The following IQCM variants were observed in gnomAD, a reference collection of about 807,000 sequenced individuals.
IQCM encodes the protein IQ motif containing M, also known as IQ domain-containing protein M.
Under a neutral mutation model 57.6 loss-of-function variants are expected in IQCM, and 45 were observed. That is an observed-to-expected ratio of 0.78 (90% CI 0.62 to 1.00). The LOEUF (loss-of-function observed/expected upper bound fraction) is 1.00. IQCM is among the 50% of genes least tolerant of loss of function. The pLI, the probability that IQCM is intolerant of heterozygous loss-of-function variation, is 0.00. For missense variants in IQCM, 468 were observed against 511.6 expected (o/e 0.91, Z 0.82); for synonymous variants, 148 against 158.9 (o/e 0.93, Z 0.51).
At chr4:149,613,684 A>G (rs995460459) in intron 8 of IQCM, among the ~76,000 whole-genome samples, 1 of 151,884 alleles carries the variant, frequency 6.6e-6, no homozygotes, top group Non-Finnish European at 1.5e-5. Context: ...TCGTCATTTA[A>G]CATTAGGTAT....
intron 5 of IQCM, among the ~76,000 whole-genome samples, chr4:149,699,574 C>G (rs990137535): frequency 2.0e-5 from 3 of 151,398 alleles, no homozygotes; most frequent in Non-Finnish European, 4.4e-5. Flanking sequence ...GATCTTCCCC[C>G]TAAAAAAAGT....
chr4:149,355,610 A>G (rs925797536), intron 13 of IQCM, among the ~76,000 whole-genome samples: 1 of 152,038 alleles, frequency 6.6e-6, no homozygotes, highest in African/African-American at 2.4e-5. Flanking sequence ...TCCATGGTGT[A>G]TTTGTGCCAT....
At chr4:149,376,414 A>T (rs1211951568) in intron 13 of IQCM, among the ~76,000 whole-genome samples, 1 of 152,184 alleles carries the variant, frequency 6.6e-6, no homozygotes, top group Non-Finnish European at 1.5e-5. Context: ...CTCTAAAGCG[A>T]TAAACTGCAG....
At chr4:149,638,152 C>T (rs1455627754) in intron 7 of IQCM, among the ~76,000 whole-genome samples, 2 of 151,904 alleles carry the variant, frequency 1.3e-5, no homozygotes, top group African/African-American at 4.8e-5. Flanking sequence ...AGAAAATAGA[C>T]AAATAAAAAA....
rs1471037863 is a variant in IQCM at position 149,364,126 on chromosome 4, A to G, written c.1391-12060T>C. Among the ~76,000 whole-genome samples, 5 of 152,204 alleles carry G rather than the reference A, an allele frequency of 3.3e-5. No homozygotes were observed. In the East Asian group the frequency reaches 9.6e-4, roughly 29 times the overall value. On this transcript the variant is annotated intron_variant, in intron 13 of 13. Coordinates refer to ENST00000636793, the MANE Select transcript of IQCM (RefSeq NM_001363507.2). ...TGGAAGACTGGAGAAGGAACAAAAT[A>G]GAAGAGATTTATGAGATCCTGAGCT... is the stretch of plus-strand genomic sequence containing the variant.
intron 5 of IQCM, among the ~76,000 whole-genome samples, chr4:149,707,253 T>C (rs1201469896): frequency 6.6e-6 from 1 of 152,076 alleles, no homozygotes; most frequent in African/African-American, 2.4e-5. Flanking sequence ...TTATTTGTGA[T>C]TTTAGCTTCT....
chr4:149,731,923 A>C (rs1766497777), intron 5 of IQCM, among the ~76,000 whole-genome samples: 1 of 152,162 alleles, frequency 6.6e-6, no homozygotes, highest in Admixed American at 6.6e-5. Context: ...ACTCAGGACT[A>C]ACATTCTGAA....
At chr4:149,489,065 G>C (rs905159325) in intron 12 of IQCM, among the ~76,000 whole-genome samples, 4 of 152,076 alleles carry the variant, frequency 2.6e-5, no homozygotes, top group African/African-American at 9.7e-5. Flanking sequence ...TTGGAACGGA[G>C]ATCTAATTGG....
At chr4:149,768,350 T>G (rs946989739) in intron 2 of IQCM, among the ~76,000 whole-genome samples, 1 of 152,118 alleles carries the variant, frequency 6.6e-6, no homozygotes, top group Admixed American at 6.6e-5. Context: ...TTCGAAAATT[T>G]TACTTTCTAG....
chr4:149,571,448 A>T (rs1042533136), intron 9 of IQCM, among the ~76,000 whole-genome samples: 2 of 152,084 alleles, frequency 1.3e-5, no homozygotes, highest in Non-Finnish European at 2.9e-5. Flanking sequence ...TTGATCTCAC[A>T]GTAGAGAGTA....
intron 9 of IQCM, among the ~76,000 whole-genome samples, chr4:149,578,765 A>G (rs958331833): frequency 6.6e-6 from 1 of 151,878 alleles, no homozygotes; most frequent in Non-Finnish European, 1.5e-5. Context: ...TTTATTGCCA[A>G]CCACGTATAT....
At chr4:149,570,482 T>C (rs540589961) in intron 9 of IQCM, among the ~76,000 whole-genome samples, 36 of 152,132 alleles carry the variant, frequency 2.4e-4, no homozygotes, top group African/African-American at 7.7e-4. Context: ...AATTTGAGGA[T>C]ATTAAAAAGA....
chr4:149,368,821 T>TATATATACACGTATATATATAC (rs1730061170), intron 13 of IQCM, among the ~76,000 whole-genome samples: 1 of 98,784 alleles, frequency 1.0e-5, no homozygotes, highest in Admixed American at 1.1e-4. Context: ...TATATATACA[T>TATATATACACGTATATATATAC]ATATATACAT....
At position 149,465,397 on chromosome 4, in the gene IQCM, G is replaced by A. The variant is rs544173334; in HGVS notation, c.1229-31840C>T. 3.3e-5 allele frequency among the ~76,000 whole-genome samples: 5 copies of A among 152,132 alleles called. No homozygotes were observed. The South Asian group carries it at 8.3e-4, about 25-fold the overall frequency. Reference sequence around the variant, plus strand: ...CAATAGGATGATATTAGGAGCCAAGGGACAAAACTAGTAACTAGGGCTCCC... The same window carrying A: ...CAATAGGATGATATTAGGAGCCAAGAGACAAAACTAGTAACTAGGGCTCCC... On this transcript the variant is annotated intron_variant, in intron 12 of 13. Transcript: ENST00000636793.
intron 8 of IQCM, among the ~76,000 whole-genome samples, chr4:149,604,951 A>G (rs928153729): frequency 6.6e-6 from 1 of 152,150 alleles, no homozygotes; most frequent in East Asian, 1.9e-4. Context: ...TGCTCTCTAT[A>G]TTCAACTTTT....
chr4:149,592,926 T>C (rs544928571), intron 8 of IQCM, among the ~76,000 whole-genome samples: 1 of 152,166 alleles, frequency 6.6e-6, no homozygotes, highest in Admixed American at 6.6e-5. Flanking sequence ...CTTAGGATTG[T>C]CTTGGCTATG....
At chr4:149,615,551 G>A (rs576341144) in intron 8 of IQCM, among the ~76,000 whole-genome samples, 91 of 152,132 alleles carry the variant, frequency 6.0e-4, no homozygotes, top group African/African-American at 2.0e-3. Context: ...GAAGTGAAAC[G>A]TTTAAAGCAT....
chr4:149,590,302 G>A, intron 8 of IQCM, among the ~76,000 whole-genome samples: 1 of 91,422 alleles, frequency 1.1e-5, no homozygotes, highest in Non-Finnish European at 2.0e-5. Context: ...TATCGCCTTT[G>A]TTATAAGGGG....
At chr4:149,642,037 G>A (rs1437280932) in intron 7 of IQCM, among the ~76,000 whole-genome samples, 1 of 152,066 alleles carries the variant, frequency 6.6e-6, no homozygotes, top group Admixed American at 6.6e-5. Flanking sequence ...TACTCAAGAA[G>A]AAATAGTCCA....
Sources: gnomAD v4.1 joint callset for allele counts (sites outside exome capture counted in the v4.1 genomes callset) on GRCh38, gnomAD v4.1.1 for gene constraint, MANE v1.5 for transcripts, NCBI Gene and HGNC (gene_info 2026-07-23, HGNC 2026-07-21) for gene names.